The following DYM variants were observed in gnomAD, a reference collection of about 807,000 sequenced individuals.
The protein encoded by DYM is dyggve-Melchior-Clausen syndrome protein.
A neutral mutation model predicts 93.1 loss-of-function variants in DYM; 78 were observed. The observed-to-expected ratio is 0.84, with a 90% CI of 0.70 to 1.01. The LOEUF (loss-of-function observed/expected upper bound fraction) is 1.01. DYM is among the 50% of genes least tolerant of loss of function. DYM has a pLI of 0.00. For missense variants in DYM, 789 were observed against 845.0 expected (o/e 0.93, Z 0.82); for synonymous variants, 321 against 319.7 (o/e 1.00, Z -0.04).
chr18:49,399,934 C>CTTTTT (rs1201370040), intron 2 of DYM, among the ~76,000 whole-genome samples: 193 of 66,126 alleles, frequency 2.9e-3, no homozygotes, highest in East Asian at 5.6e-3. Context: ...TTTTATTTTT[C>CTTTTT]TTTTTTTTTT....
At chr18:49,385,753 A>G (rs1199028311) in intron 3 of DYM, among the ~76,000 whole-genome samples, 1 of 152,090 alleles carries the variant, frequency 6.6e-6, no homozygotes, top group Admixed American at 6.6e-5. Flanking sequence ...GAAAAAAGTA[A>G]TAAAGCTAAA....
chr18:49,289,727 GTATATATATATATATATATATA>G lies in DYM; in HGVS notation c.764-3133_764-3112del, dbSNP rs386387632. Among the ~76,000 whole-genome samples, 237 of 85,092 alleles carry G rather than the reference GTATATATATATATATATATATA, an allele frequency of 2.8e-3. 6 individuals carry two copies. The highest frequency in any genetic ancestry group is 0.011 in the East Asian group (25 of 2,202). 55.8% of individuals were successfully genotyped at this position (85,092 alleles called of 152,430 possible). On this transcript the variant is annotated intron_variant, in intron 8 of 17. Coordinates refer to ENST00000675505, the MANE Select transcript of DYM (RefSeq NM_001353214.3). ...CCCTATCTCAAATATATATATATGT[GTATATATATATATATATATATA>G]TATATATATATATATATATATATAC...
At chr18:49,382,082 C>T (rs1288765770) in intron 3 of DYM, among the ~76,000 whole-genome samples, 2 of 151,982 alleles carry the variant, frequency 1.3e-5, no homozygotes, top group African/African-American at 4.8e-5. Context: ...ATTCAACAGC[C>T]CCCTTTATTA....
intron 15 of DYM, among the ~76,000 whole-genome samples, chr18:49,144,864 G>C (rs929489471): frequency 5.3e-5 from 8 of 151,742 alleles, no homozygotes; most frequent in Non-Finnish European, 1.0e-4. Flanking sequence ...TGGGAGGCTA[G>C]AGCAGGAGGA....
At chr18:49,414,028 G>A (rs970640584) in intron 2 of DYM, among the ~76,000 whole-genome samples, 1 of 151,886 alleles carries the variant, frequency 6.6e-6, no homozygotes, top group African/African-American at 2.4e-5. Flanking sequence ...AAGAAAGAAA[G>A]AAAGAAAGCA....
chr18:49,427,491 T>A (rs927822179), intron 2 of DYM, among the ~76,000 whole-genome samples: 1 of 152,094 alleles, frequency 6.6e-6, no homozygotes, highest in Non-Finnish European at 1.5e-5. Context: ...TAATTTAAAT[T>A]TAATTAAAAT....
intron 15 of DYM, among the ~76,000 whole-genome samples, chr18:49,147,024 C>A (rs1350409206): frequency 1.3e-5 from 2 of 152,042 alleles, no homozygotes; most frequent in East Asian, 1.9e-4. Context: ...CAGAACAGAG[C>A]CCTCAGAAAT....
chr18:49,357,649 G>T (rs568397802), intron 6 of DYM, among the ~76,000 whole-genome samples: 1 of 152,292 alleles, frequency 6.6e-6, no homozygotes, highest in East Asian at 1.9e-4. Context: ...ACAGTGAACA[G>T]GTTAGACCCT....
chr18:49,309,604 C>T (rs544796309), intron 8 of DYM, among the ~76,000 whole-genome samples: 17 of 152,272 alleles, frequency 1.1e-4, no homozygotes, highest in African/African-American at 3.6e-4. Flanking sequence ...CACTGTGCTC[C>T]AGCCTGGGCG....
chr18:49,116,062 G>A (rs1412146839), intron 16 of DYM: 1 of 152,234 alleles, frequency 6.6e-6, no homozygotes, highest in South Asian at 2.1e-4. Context: ...CAATATCCTT[G>A]TGACAGTCTC....
intron 15 of DYM, among the ~76,000 whole-genome samples, chr18:49,120,792 T>C (rs1309915026): frequency 6.6e-6 from 1 of 152,224 alleles, no homozygotes; most frequent in Non-Finnish European, 1.5e-5. Flanking sequence ...GGTATGCCTA[T>C]TTCCATACAA....
chr18:49,220,508 T>C (rs1256802096), intron 13 of DYM, among the ~76,000 whole-genome samples: 1 of 150,638 alleles, frequency 6.6e-6, no homozygotes, highest in Non-Finnish European at 1.5e-5. Context: ...CAAACTATAC[T>C]ACAAGGCTAC....
intron 6 of DYM, among the ~76,000 whole-genome samples, chr18:49,336,297 G>A (rs1056518581): frequency 7.2e-5 from 11 of 152,080 alleles, no homozygotes; most frequent in African/African-American, 1.9e-4. Flanking sequence ...GAAAGAATAC[G>A]TATTTAGAAA....
chr18:49,124,500 C>A (rs376390307), intron 15 of DYM, among the ~76,000 whole-genome samples: 2 of 97,092 alleles, frequency 2.1e-5, no homozygotes, highest in African/African-American at 8.3e-5. Context: ...CAGAGTGAGA[C>A]CCTGTCTCAA....
At chr18:49,304,545 CCT>C (rs2061157114) in intron 8 of DYM, among the ~76,000 whole-genome samples, 1 of 152,158 alleles carries the variant, frequency 6.6e-6, no homozygotes, top group African/African-American at 2.4e-5. Flanking sequence ...CTGGGTGTCC[CCT>C]GAGGACAGCT....
intron 8 of DYM, among the ~76,000 whole-genome samples, chr18:49,325,633 A>T (rs1426851488): frequency 6.6e-6 from 1 of 152,236 alleles, no homozygotes; most frequent in Non-Finnish European, 1.5e-5. Flanking sequence ...GATAGCACAT[A>T]AAAACTACAG....
chr18:49,435,207 CAA>C (rs150003482), intron 1 of DYM, among the ~76,000 whole-genome samples: 27,805 of 87,668 alleles, frequency 0.32, 2,561 homozygotes, highest in African/African-American at 0.41. Context: ...GACTCCATCT[CAA>C]AAAAAAAAAA....
intron 11 of DYM, 127 bp from the exon 12 acceptor site, chr18:49,258,620 G>A: frequency 2.9e-6 from 2 of 697,826 alleles, no homozygotes; most frequent in South Asian, 3.1e-5. Flanking sequence ...ACAGACAGAG[G>A]CCACGCAAAT....
chr18:49,312,054 G>C (rs1229570699), intron 8 of DYM, among the ~76,000 whole-genome samples: 2 of 152,032 alleles, frequency 1.3e-5, no homozygotes, highest in Non-Finnish European at 2.9e-5. Flanking sequence ...CTCTAGGAAA[G>C]CTACAGACAC....
Sources: gnomAD v4.1 joint callset for allele counts (sites outside exome capture counted in the v4.1 genomes callset) on GRCh38, gnomAD v4.1.1 for gene constraint, MANE v1.5 for transcripts, NCBI Gene and HGNC (gene_info 2026-07-23, HGNC 2026-07-21) for gene names.